ZNF366: variants seen among roughly 807,000 people sequenced by gnomAD.
ZNF366 encodes the protein dendritic cell-specific transcript protein.
A neutral mutation model predicts 47.2 loss-of-function variants in ZNF366; 20 were observed. That is an observed-to-expected ratio of 0.42 (90% CI 0.30 to 0.62). The LOEUF is 0.62. ZNF366 is among the 20% of genes least tolerant of loss of function. The pLI is 0.16. For synonymous variants in ZNF366, 421 were observed against 395.1 expected (o/e 1.07, Z -0.78); for missense variants, 987 against 976.3 (o/e 1.01, Z -0.15).
Position 72,472,522 on chromosome 5 carries a change from A to T in ZNF366, c.-14-11012T>A, listed in dbSNP as rs1743587824. The T allele has an allele frequency of 1.6e-5, 16 of 985,152 alleles. No individual in the cohort carries two copies. In the South Asian group the frequency reaches 7.0e-4, roughly 43 times the overall value. 61.0% of individuals were successfully genotyped at this position (985,152 alleles called of 1,614,324 possible). ...TGTAGAACAGAGGAAGAATTTGGGG[A>T]CTTGCAAAATTAGGCTGACCTTCAA... On this transcript the variant is annotated intron_variant, in intron 1 of 4. Coordinates refer to ENST00000318442, the MANE Select transcript of ZNF366 (RefSeq NM_152625.3).
At chr5:72,489,201 C>T (rs75621938) in intron 1 of ZNF366, among the ~76,000 whole-genome samples, 2,068 of 151,920 alleles carry the variant, frequency 0.014, 33 homozygotes, top group African/African-American at 0.047. Flanking sequence ...CACAACAAGA[C>T]CCCATCTCAA....
chr5:72,462,091 C>T (rs571066194), intron 1 of ZNF366, among the ~76,000 whole-genome samples: 7 of 152,304 alleles, frequency 4.6e-5, no homozygotes, highest in Admixed American at 3.3e-4. Flanking sequence ...ATATTCAAAG[C>T]CTCATAGGAG....
chr5:72,469,108 C>G (rs983390749), intron 1 of ZNF366, among the ~76,000 whole-genome samples: 1 of 152,158 alleles, frequency 6.6e-6, no homozygotes, highest in Non-Finnish European at 1.5e-5. Flanking sequence ...AGAATTCAGT[C>G]TGGTAGATAG....
At chr5:72,495,994 C>A (rs78687265) in intron 1 of ZNF366, among the ~76,000 whole-genome samples, 1 of 148,912 alleles carries the variant, frequency 6.7e-6, no homozygotes, top group Non-Finnish European at 1.5e-5. Flanking sequence ...TTTTTTTTTA[C>A]AAAAATGATA....
At chr5:72,502,679 CGTT>C (rs1313049153) in intron 1 of ZNF366, among the ~76,000 whole-genome samples, 1 of 151,926 alleles carries the variant, frequency 6.6e-6, no homozygotes, top group Non-Finnish European at 1.5e-5. Flanking sequence ...TCACAGCACA[CGTT>C]GTAAAAAAAT....
chr5:72,456,617 A>C (rs1472341457), intron 2 of ZNF366, 22 bp from the exon 3 acceptor site: 1 of 1,557,406 alleles, frequency 6.4e-7, no homozygotes, highest in Admixed American at 1.7e-5. Context: ...CAAGATTCAG[A>C]AAAGTGGTGA....
intron 3 of ZNF366, among the ~76,000 whole-genome samples, chr5:72,452,683 A>G (rs573903209): frequency 6.6e-6 from 1 of 152,334 alleles, no homozygotes; most frequent in Non-Finnish European, 1.5e-5. Context: ...TGCTACAGAC[A>G]AGGTTTCAGA....
At position 72,456,582 on chromosome 5, in the gene ZNF366, T is replaced by C. The variant is rs1270003960; in HGVS notation, c.1346A>G (p.His449Arg). 6.2e-7 allele frequency: 1 copy of C among 1,609,022 alleles called. No individual in the cohort carries two copies. The highest frequency in any genetic ancestry group is 8.5e-7 in the Non-Finnish European group (1 of 1,176,030). ...CTCCCGCCCACAAATCCCACACTTA[T>C]GCTCCTTCACACCCTGCAGGGAGGC... ...HSLTHKGVKE[H>R]KCGICGREFT... The change falls in exon 3 of 5, where the codon CAT (histidine) becomes CGT (arginine). Residue 449 changes from histidine to arginine, a missense_variant. Transcript: ENST00000318442.
chr5:72,490,111 C>T (rs1010240811), intron 1 of ZNF366, among the ~76,000 whole-genome samples: 4 of 152,222 alleles, frequency 2.6e-5, no homozygotes, highest in African/African-American at 7.2e-5. Context: ...CCTTCCCTTC[C>T]TCCACAAGTT....
At chr5:72,458,183 A>AT (rs1458756174) in intron 2 of ZNF366, among the ~76,000 whole-genome samples, 2 of 151,560 alleles carry the variant, frequency 1.3e-5, no homozygotes, top group African/African-American at 4.8e-5. Flanking sequence ...TGCCCGGCTA[A>AT]TTTTTTGTAT....
chr5:72,449,892 G>A (rs769610920), intron 3 of ZNF366, among the ~76,000 whole-genome samples: 131 of 152,286 alleles, frequency 8.6e-4, no homozygotes, highest in Middle Eastern at 3.4e-3. Flanking sequence ...CATGTAGCGG[G>A]AGAGAAGCTG....
At chr5:72,498,303 C>A (rs1342416897) in intron 1 of ZNF366, among the ~76,000 whole-genome samples, 1 of 152,092 alleles carries the variant, frequency 6.6e-6, no homozygotes, top group African/African-American at 2.4e-5. Context: ...CAAATAGCTA[C>A]CCAGTTGTCC....
intron 1 of ZNF366, among the ~76,000 whole-genome samples, chr5:72,501,345 A>G (rs1212628707): frequency 6.6e-6 from 1 of 152,230 alleles, no homozygotes; most frequent in Non-Finnish European, 1.5e-5. Context: ...GAGAGATTCT[A>G]TCAATGTTAA....
rs1354595910 is a variant in ZNF366, at chr5:72,440,755, C to T, written c.*3001G>A. The T allele has an allele frequency of 6.6e-6, 1 of 152,198 alleles. No individual in the cohort carries two copies. The highest frequency in any genetic ancestry group is 1.5e-5 in the Non-Finnish European group (1 of 68,024). 9.4% of individuals were successfully genotyped at this position (152,198 alleles called of 1,614,324 possible). A position where few individuals can be genotyped will look rare whatever the true frequency, so the allele number is the denominator to read the frequency against. ...TGGGACAACAGGTCTAAACCACGAT[C>T]ATCCCAGGCAAACCAGGATGTTGGT... On this transcript the variant is annotated 3_prime_UTR_variant, in exon 5 of 5. Coordinates refer to ENST00000318442, the MANE Select transcript of ZNF366 (RefSeq NM_152625.3).
intron 1 of ZNF366, among the ~76,000 whole-genome samples, chr5:72,504,826 C>T (rs1383936308): frequency 1.3e-5 from 2 of 152,114 alleles, no homozygotes; most frequent in African/African-American, 2.4e-5. Context: ...TGTTTTATGC[C>T]GATAGTTGTA....
intron 1 of ZNF366, among the ~76,000 whole-genome samples, chr5:72,487,055 A>G (rs996913132): frequency 2.6e-5 from 4 of 152,196 alleles, no homozygotes; most frequent in Admixed American, 2.0e-4. Flanking sequence ...GATTACAGGC[A>G]TGAGCCACTA....
At chr5:72,502,501 A>G (rs1314022813) in intron 1 of ZNF366, among the ~76,000 whole-genome samples, 1 of 152,224 alleles carries the variant, frequency 6.6e-6, no homozygotes, top group Non-Finnish European at 1.5e-5. Flanking sequence ...TAAAAACTCA[A>G]TCAGGAAATT....
At chr5:72,497,702 T>C in intron 1 of ZNF366, among the ~76,000 whole-genome samples, 1 of 152,310 alleles carries the variant, frequency 6.6e-6, no homozygotes, top group Middle Eastern at 3.4e-3. Context: ...TTGCTGTCTG[T>C]AGATGTTCTG....
chr5:72,486,292 T>C (rs1743891417), intron 1 of ZNF366, among the ~76,000 whole-genome samples: 2 of 152,228 alleles, frequency 1.3e-5, no homozygotes, highest in South Asian at 2.1e-4. Flanking sequence ...GGCTTGAACA[T>C]GCAGAATTGG....
Sources: allele counts gnomAD v4.1 joint callset (sites outside exome capture counted in the v4.1 genomes callset), GRCh38; gene constraint gnomAD v4.1.1; transcripts MANE v1.5; gene names NCBI Gene and HGNC (gene_info 2026-07-23, HGNC 2026-07-21).